RFX3: variants seen among roughly 807,000 people sequenced by gnomAD.
The protein encoded by RFX3 is regulatory factor X3.
Under a neutral mutation model 98.6 loss-of-function variants are expected in RFX3, and 14 were observed. The observed-to-expected ratio is 0.14, with a 90% confidence interval of 0.09 to 0.22. The LOEUF (loss-of-function observed/expected upper bound fraction) is 0.22. Ranked by LOEUF, RFX3 falls within the 10% of genes least tolerant of loss-of-function variation. RFX3 has a pLI of 1.00. For synonymous variants in RFX3, 383 were observed against 328.4 expected (o/e 1.17, Z -1.80); for missense variants, 639 against 926.9 (o/e 0.69, Z 4.03).
chr9:3,519,326 G>A (rs972186106), intron 1 of RFX3, among the ~76,000 whole-genome samples: 4 of 152,072 alleles, frequency 2.6e-5, no homozygotes, highest in Non-Finnish European at 5.9e-5. Flanking sequence ...GCTTGTCTGT[G>A]CCTTATTTTT....
intron 1 of RFX3, among the ~76,000 whole-genome samples, chr9:3,505,262 TTA>T (rs1280093316): frequency 7.2e-4 from 53 of 73,594 alleles, no homozygotes; most frequent in East Asian, 2.3e-3. Flanking sequence ...GAATATATAT[TTA>T]TATATATATG....
At chr9:3,411,818 C>A (rs901812721) in intron 1 of RFX3, among the ~76,000 whole-genome samples, 44 of 152,080 alleles carry the variant, frequency 2.9e-4, no homozygotes, top group African/African-American at 1.0e-3. Flanking sequence ...CTTTCCTCCA[C>A]CTCCAATTAT....
chr9:3,428,427 T>C (rs1486717731), intron 1 of RFX3, among the ~76,000 whole-genome samples: 1 of 152,216 alleles, frequency 6.6e-6, no homozygotes, highest in Non-Finnish European at 1.5e-5. Context: ...ACAAGTTTTG[T>C]AGAGTTTCTG....
chr9:3,390,279 AC>A (rs1219722963), intron 2 of RFX3, among the ~76,000 whole-genome samples: 2 of 152,170 alleles, frequency 1.3e-5, no homozygotes, highest in Admixed American at 6.5e-5. Context: ...TTGAAAAGAT[AC>A]CCCAAAATGT....
chr9:3,462,249 T>A (rs1386476798), intron 1 of RFX3, among the ~76,000 whole-genome samples: 2 of 152,024 alleles, frequency 1.3e-5, no homozygotes, highest in Non-Finnish European at 2.9e-5. Flanking sequence ...TGGGATTTAT[T>A]CCAGAATTCA....
At chr9:3,420,812 T>C in intron 1 of RFX3, 4 of 985,350 alleles carry the variant, frequency 4.1e-6, no homozygotes, top group Non-Finnish European at 4.8e-6. Context: ...GGTTCTTTTC[T>C]TCAGATGATC....
intron 1 of RFX3, among the ~76,000 whole-genome samples, chr9:3,480,176 G>C (rs919903673): frequency 1.3e-5 from 2 of 152,208 alleles, no homozygotes; most frequent in African/African-American, 2.4e-5. Flanking sequence ...CAACTAGGCA[G>C]TTCTTACAGT....
intron 1 of RFX3, among the ~76,000 whole-genome samples, chr9:3,452,796 AG>A (rs1354912445): frequency 6.6e-6 from 1 of 152,234 alleles, no homozygotes; most frequent in Non-Finnish European, 1.5e-5. Flanking sequence ...ATTATTACAC[AG>A]GGAATACTAT....
chr9:3,482,082 C>T (rs978460961), intron 1 of RFX3, among the ~76,000 whole-genome samples: 1 of 151,936 alleles, frequency 6.6e-6, no homozygotes, highest in East Asian at 1.9e-4. Flanking sequence ...CACAAAGATG[C>T]ACATACATGC....
At chr9:3,459,571 GAAT>G (rs1204403157) in intron 1 of RFX3, among the ~76,000 whole-genome samples, 14 of 152,058 alleles carry the variant, frequency 9.2e-5, no homozygotes, top group African/African-American at 1.9e-4. Context: ...TAAATTTTAT[GAAT>G]AATAAGTGAA....
intron 8 of RFX3, 33 bp from the exon 9 acceptor site, chr9:3,275,645 A>G (rs776734968): frequency 2.2e-6 from 3 of 1,336,698 alleles, no homozygotes; most frequent in South Asian, 2.4e-5. Context: ...GAAAAAAGCT[A>G]TTGTGGATGG....
chr9:3,363,674 C>G (rs1836725081), intron 2 of RFX3, among the ~76,000 whole-genome samples: 1 of 152,138 alleles, frequency 6.6e-6, no homozygotes, highest in African/African-American at 2.4e-5. Flanking sequence ...GCATTTTTAT[C>G]TCCATTTTAT....
intron 1 of RFX3, among the ~76,000 whole-genome samples, chr9:3,424,949 G>A (rs1302145900): frequency 6.6e-6 from 1 of 152,126 alleles, no homozygotes; most frequent in Admixed American, 6.5e-5. Context: ...TTTTTTGTTG[G>A]CCAGGCACAG....
intron 5 of RFX3, 147 bp from the exon 6 acceptor site, chr9:3,293,405 T>C (rs1827624334): frequency 1.8e-6 from 1 of 561,546 alleles, no homozygotes; most frequent in Admixed American, 3.7e-5. Flanking sequence ...CAGAAGGTGG[T>C]AATCTGCCTT....
intron 7 of RFX3, among the ~76,000 whole-genome samples, chr9:3,286,997 C>T (rs1826691797): frequency 6.6e-6 from 1 of 151,864 alleles, no homozygotes; most frequent in African/African-American, 2.4e-5. Context: ...GTGATAGTTC[C>T]TTGATCAAAG....
At chr9:3,426,414 G>C (rs929936835) in intron 1 of RFX3, among the ~76,000 whole-genome samples, 1 of 151,120 alleles carries the variant, frequency 6.6e-6, no homozygotes, top group African/African-American at 2.4e-5. Flanking sequence ...TCATCCTACA[G>C]TGGTATAGAA....
intron 7 of RFX3, 90 bp from the exon 8 acceptor site, chr9:3,277,551 T>C (rs2095256807): frequency 2.6e-6 from 3 of 1,138,696 alleles, no homozygotes; most frequent in Non-Finnish European, 3.9e-6. Flanking sequence ...TCAGTTTTAT[T>C]CTATCTTCTT....
chr9:3,235,664 T>C (rs2130780103), intron 15 of RFX3, among the ~76,000 whole-genome samples: 1 of 152,310 alleles, frequency 6.6e-6, no homozygotes, highest in South Asian at 2.1e-4. Flanking sequence ...TTCCTTGGTT[T>C]CTGGCCTCCT....
chr9:3,426,196 C>A (rs181270763), intron 1 of RFX3, among the ~76,000 whole-genome samples: 2 of 152,066 alleles, frequency 1.3e-5, no homozygotes, highest in African/African-American at 4.8e-5. Context: ...GTCATAATTC[C>A]ATCTATGTTT....
Sources: allele counts gnomAD v4.1 joint callset (sites outside exome capture counted in the v4.1 genomes callset), GRCh38; gene constraint gnomAD v4.1.1; transcripts MANE v1.5; gene names NCBI Gene and HGNC (gene_info 2026-07-23, HGNC 2026-07-21).